COLEC11: variants seen among roughly 807,000 people sequenced by gnomAD.
The protein encoded by COLEC11 is collectin subfamily member 11.
In COLEC11, 20 loss-of-function variants were observed where a neutral mutation model predicts 27.3. That is an observed-to-expected ratio of 0.73 (90% CI 0.51 to 1.06). The LOEUF is 1.06. Ranked by LOEUF, COLEC11 falls within the 50% of genes least tolerant of loss-of-function variation. COLEC11 has a pLI of 0.00. For missense variants in COLEC11, 310 were observed against 383.0 expected (o/e 0.81, Z 1.59); for synonymous variants, 163 against 154.7 (o/e 1.05, Z -0.40).
intron 3 of COLEC11, among the ~76,000 whole-genome samples, chr2:3,629,489 C>T (rs573878384): frequency 6.6e-6 from 1 of 152,304 alleles, no homozygotes; most frequent in Non-Finnish European, 1.5e-5. Flanking sequence ...TGTACATGCA[C>T]TCATGCACAC....
At chr2:3,641,577 C>CT (rs1665875097) in intron 5 of COLEC11, 1 of 415,008 alleles carries the variant, frequency 2.4e-6, no homozygotes, top group Admixed American at 4.1e-5. Flanking sequence ...CAGAAAGCCT[C>CT]TATTACCTCA....
intron 3 of COLEC11, among the ~76,000 whole-genome samples, chr2:3,614,714 A>C (rs1663518876): frequency 6.6e-6 from 1 of 152,192 alleles, no homozygotes; most frequent in South Asian, 2.1e-4. Flanking sequence ...TGTAGAAGAA[A>C]ATTTCTTATA....
chr2:3,614,383 G>C (rs140482318), intron 3 of COLEC11, among the ~76,000 whole-genome samples: 4 of 151,970 alleles, frequency 2.6e-5, no homozygotes, highest in Non-Finnish European at 5.9e-5. Context: ...ACAACACAAA[G>C]ATAATTAAAT....
At position 3,629,594 on chromosome 2, in the gene COLEC11, CTGTG is replaced by C. The variant is rs375321383; in HGVS notation, c.203-7935_203-7932del. ...TGCATGTGTGCATATGTATATGTAC[CTGTG>C]TGTATGTGCATATGAGCATTTGTGT... is the stretch of plus-strand genomic sequence containing the variant. On this transcript the variant is annotated intron_variant, in intron 3 of 6. Transcript: ENST00000349077. Among the ~76,000 whole-genome samples, 28 of 152,040 alleles carry C rather than the reference CTGTG, an allele frequency of 1.8e-4. 1 individual carries two copies. The East Asian group carries it at 4.3e-3, about 23-fold the overall frequency.
chr2:3,598,796 T>C (rs2147841357), intron 1 of COLEC11, among the ~76,000 whole-genome samples: 1 of 151,166 alleles, frequency 6.6e-6, no homozygotes, highest in South Asian at 2.1e-4. Flanking sequence ...AGTGCCCAGC[T>C]GCGTGGCCTG....
At chr2:3,605,047 C>T (rs1339830473) in intron 2 of COLEC11, 2 of 470,942 alleles carry the variant, frequency 4.2e-6, no homozygotes, top group South Asian at 3.1e-5. Context: ...GAGAAAGTCC[C>T]TGAGGCTGCG....
intron 5 of COLEC11, among the ~76,000 whole-genome samples, chr2:3,641,724 G>C (rs1036858076): frequency 1.3e-5 from 2 of 152,262 alleles, no homozygotes; most frequent in Non-Finnish European, 2.9e-5. Flanking sequence ...GTGGAGGGGG[G>C]GTGTCTCACG....
At chr2:3,606,249 T>G (rs1335552498) in intron 2 of COLEC11, 2 of 1,549,854 alleles carry the variant, frequency 1.3e-6, no homozygotes, top group Admixed American at 3.9e-5. Flanking sequence ...GCCAGGTCAG[T>G]AGCCTGCACT....
chr2:3,610,800 G>A lies in COLEC11; in HGVS notation c.131-2511G>A, dbSNP rs539778455. Among the ~76,000 whole-genome samples, 13 of 152,284 alleles carry A rather than the reference G, an allele frequency of 8.5e-5. 1 individual carries two copies. The highest frequency in any genetic ancestry group is 7.2e-4 in the Admixed American group (11 of 15,292). ...TCAGAGGGGCTTTTCGGATCTTGCC[G>A]TCTAAATTATGGCTCCTTTGTTGAG... On this transcript the variant is annotated intron_variant, in intron 2 of 6. Transcript: ENST00000349077.
intron 3 of COLEC11, among the ~76,000 whole-genome samples, chr2:3,636,124 C>G (rs1343562244): frequency 2.0e-5 from 3 of 152,216 alleles, no homozygotes; most frequent in Non-Finnish European, 4.4e-5. Flanking sequence ...GGTGGCGTCA[C>G]TGCAGGACAG....
At chr2:3,628,776 A>G (rs973315144) in intron 3 of COLEC11, among the ~76,000 whole-genome samples, 31 of 152,364 alleles carry the variant, frequency 2.0e-4, no homozygotes, top group African/African-American at 7.5e-4. Flanking sequence ...GACTGTGTGA[A>G]GTGTTCATTA....
rs755606600 is a variant in COLEC11, at chr2:3,643,967, T to C, written c.665T>C (p.Met222Thr). The change falls in exon 7 of 7, where the codon ATG becomes ACG. Residue 222 changes from methionine (M) to threonine (T), a missense_variant. Transcript: ENST00000349077. ...TTCGTGTACTCTGACCACTCCCCCATGCGGACCTTCAACAAGTGGCGCAGC... is the reference window on the plus strand; with the variant it reads ...TTCGTGTACTCTGACCACTCCCCCACGCGGACCTTCAACAAGTGGCGCAGC... ...GAFVYSDHSP[M>T]RTFNKWRSGE... 8 of 1,614,142 alleles carry C rather than the reference T, an allele frequency of 5.0e-6. No individual in the cohort carries two copies. Among genetic ancestry groups the C allele is most frequent in the South Asian group, 3.3e-5 (3 of 91,080 alleles).
At chr2:3,604,225 G>A (rs1662453542) in intron 1 of COLEC11, 90 bp from the exon 2 acceptor site, 1 of 1,445,234 alleles carries the variant, frequency 6.9e-7, no homozygotes, top group Non-Finnish European at 9.6e-7. Flanking sequence ...CACCAGGAGG[G>A]CTACACCCCT....
intron 4 of COLEC11, among the ~76,000 whole-genome samples, chr2:3,639,530 T>G (rs1266116503): frequency 6.6e-6 from 1 of 152,230 alleles, no homozygotes; most frequent in Non-Finnish European, 1.5e-5. Context: ...GGAATTGGAA[T>G]CTACTGAAGT....
intron 2 of COLEC11, 54 bp from the exon 3 acceptor site, chr2:3,613,257 T>C (rs1663372393): frequency 6.4e-7 from 1 of 1,553,220 alleles, no homozygotes. Flanking sequence ...CAAATCACTC[T>C]GAGACGCTGT....
chr2:3,642,987 G>C (rs574031277), intron 5 of COLEC11, among the ~76,000 whole-genome samples: 1 of 152,306 alleles, frequency 6.6e-6, no homozygotes, highest in Admixed American at 6.5e-5. Flanking sequence ...AGCCAGCAAT[G>C]GAATGGCCCC....
intron 3 of COLEC11, among the ~76,000 whole-genome samples, chr2:3,619,192 C>T (rs1433449286): frequency 6.6e-6 from 1 of 151,324 alleles, no homozygotes; most frequent in African/African-American, 2.4e-5. Context: ...CTCTCCCTTT[C>T]TCTTCCTTTC....
intron 3 of COLEC11, among the ~76,000 whole-genome samples, chr2:3,621,705 C>T (rs1192313036): frequency 2.0e-5 from 3 of 151,980 alleles, no homozygotes; most frequent in African/African-American, 4.8e-5. Flanking sequence ...TGTGTATGTA[C>T]TAGGTTTTTT....
At chr2:3,626,157 C>A in intron 3 of COLEC11, 2 of 1,291,880 alleles carry the variant, frequency 1.5e-6, no homozygotes, top group Non-Finnish European at 2.3e-6. Flanking sequence ...GAATAGGCAA[C>A]CACTCTTCCC....
Sources: allele counts gnomAD v4.1 joint callset (sites outside exome capture counted in the v4.1 genomes callset), GRCh38; gene constraint gnomAD v4.1.1; transcripts MANE v1.5; gene names NCBI Gene and HGNC (gene_info 2026-07-23, HGNC 2026-07-21).